The following ZDHHC3 variants were observed in gnomAD, a reference collection of about 807,000 sequenced individuals.
ZDHHC3 encodes the protein palmitoyltransferase ZDHHC3.
Under a neutral mutation model 30.6 loss-of-function variants are expected in ZDHHC3, and 9 were observed. The ratio of observed to expected loss-of-function variants is 0.29; its 90% CI spans 0.18 to 0.51. The LOEUF is 0.51. ZDHHC3 is among the 20% of genes least tolerant of loss of function. ZDHHC3 has a pLI of 0.97. For synonymous variants in ZDHHC3, 136 were observed against 140.2 expected, an observed-to-expected ratio of 0.97 and a Z score of 0.21; for missense variants, 246 against 384.2, an observed-to-expected ratio of 0.64 and a Z score of 3.01.
intron 1 of ZDHHC3, among the ~76,000 whole-genome samples, chr3:44,960,784 T>C (rs910837323): frequency 2.6e-5 from 4 of 152,218 alleles, no homozygotes; most frequent in African/African-American, 4.8e-5. Context: ...TGGCCATGTG[T>C]GCTTCCTGAA....
chr3:44,925,723 T>C lies in ZDHHC3; in HGVS notation c.*966A>G, dbSNP rs1445790370. The C allele has an allele frequency of 3.0e-6, 3 of 985,486 alleles. No homozygotes were observed. Among genetic ancestry groups the C allele is most frequent in the Non-Finnish European group, 3.6e-6 (3 of 829,934 alleles). 61.0% of individuals were successfully genotyped at this position (985,486 alleles called of 1,614,324 possible). A position where few individuals can be genotyped will look rare whatever the true frequency, so the allele number is the denominator to read the frequency against. On this transcript the variant is annotated 3_prime_UTR_variant, in exon 7 of 7. Coordinates refer to ENST00000424952, the MANE Select transcript of ZDHHC3 (RefSeq NM_001135179.2). Reference sequence around the variant, plus strand: ...CGTGCACATTTATGGGGGTTAACTATCAGAAAGTGAATCCACTTTGAGGTT... The same window carrying C: ...CGTGCACATTTATGGGGGTTAACTACCAGAAAGTGAATCCACTTTGAGGTT...
At chr3:44,927,780 G>A (rs1320035206) in intron 6 of ZDHHC3, among the ~76,000 whole-genome samples, 1 of 152,260 alleles carries the variant, frequency 6.6e-6, no homozygotes, top group Non-Finnish European at 1.5e-5. Context: ...GAAAGGACAG[G>A]AGCAGCCTGG....
Position 44,922,682 on chromosome 3 carries a change from T to C in ZDHHC3, c.*4007A>G. 1 of 985,222 alleles carries C rather than the reference T, an allele frequency of 1.0e-6. No individual in the cohort carries two copies. The highest frequency in any genetic ancestry group is 1.2e-6 in the Non-Finnish European group (1 of 829,872). The allele number at this position is 985,222 out of a possible 1,614,324, so 61.0% of individuals were successfully genotyped here. On this transcript the variant is annotated 3_prime_UTR_variant, in exon 7 of 7. Transcript: ENST00000424952. ...CTAGCCCCAACTGGATTCTCAAACT[T>C]GATAGTCAGAATCACCTGGAGGGCT...
intron 3 of ZDHHC3, among the ~76,000 whole-genome samples, chr3:44,944,227 G>A (rs565341627): frequency 4.7e-4 from 71 of 151,304 alleles, no homozygotes; most frequent in African/African-American, 1.6e-3. Flanking sequence ...TCGGCTCACC[G>A]CAACCTCTGC....
chr3:44,931,737 A>G (rs1347088874), intron 5 of ZDHHC3, among the ~76,000 whole-genome samples: 1 of 152,184 alleles, frequency 6.6e-6, no homozygotes, highest in African/African-American at 2.4e-5. Flanking sequence ...ACTGGAGTCA[A>G]CCAGACAGGG....
rs1700518991 is a variant in ZDHHC3 at position 44,920,511 on chromosome 3, G to A, written c.*6178C>T. ...CCTCCTTGTGAGGAGGTGGGTATGA[G>A]TATTGATGATTGGCAGATGGGGAAG... is the stretch of plus-strand genomic sequence containing the variant. On this transcript the variant is annotated 3_prime_UTR_variant, in exon 7 of 7. Coordinates refer to ENST00000424952, the MANE Select transcript of ZDHHC3 (RefSeq NM_001135179.2). 1.0e-6 allele frequency: 1 copy of A among 985,460 alleles called. No individual in the cohort carries two copies. The highest frequency in any genetic ancestry group is 1.1e-4 in the East Asian group (1 of 8,820). 61.0% of individuals were successfully genotyped at this position (985,460 alleles called of 1,614,324 possible).
At position 44,919,866 on chromosome 3, in the gene ZDHHC3, T is replaced by C; in HGVS notation, c.*6823A>G. The C allele has an allele frequency of 9.9e-7, 1 of 1,007,454 alleles. No individual in the cohort carries two copies. Among genetic ancestry groups the C allele is most frequent in the Non-Finnish European group, 1.2e-6 (1 of 841,600 alleles). The allele number at this position is 1,007,454 out of a possible 1,614,324, so 62.4% of individuals were successfully genotyped here. ...AAAAGTTTAAAAATAATCAATAATC[T>C]GAGACAAAGATTTATGCAATACAAA... On this transcript the variant is annotated 3_prime_UTR_variant, in exon 7 of 7. Coordinates refer to ENST00000424952, the MANE Select transcript of ZDHHC3 (RefSeq NM_001135179.2).
chr3:44,948,895 G>A (rs1442359590), intron 2 of ZDHHC3, among the ~76,000 whole-genome samples: 1 of 152,220 alleles, frequency 6.6e-6, no homozygotes, highest in Non-Finnish European at 1.5e-5. Flanking sequence ...GTCATTCAGA[G>A]CAATGACGTG....
chr3:44,927,544 T>C (rs1437736661), intron 6 of ZDHHC3, among the ~76,000 whole-genome samples: 1 of 152,152 alleles, frequency 6.6e-6, no homozygotes, highest in East Asian at 1.9e-4. Context: ...GAGGGTGGCA[T>C]GGCCAGGCCA....
Position 44,959,225 on chromosome 3 carries a change from C to T in ZDHHC3, c.212G>A (p.Arg71Gln), listed in dbSNP as rs574961628. The T allele has an allele frequency of 4.2e-5, 68 of 1,614,226 alleles. No homozygotes were observed. The Admixed American group carries it at 6.5e-4, about 15-fold the overall frequency. ...VVLFVMLIPS[R>Q]DYVYSIINGI... is the part of the protein sequence containing the mutation. ...GTTGATGATGCTATACACGTAGTCTCGAGATGGAATCAGCATGACAAAGAG... is the reference window on the plus strand; with the variant it reads ...GTTGATGATGCTATACACGTAGTCTTGAGATGGAATCAGCATGACAAAGAG... Residue 71 changes from arginine (R) to glutamine (Q), a missense_variant, in exon 2 of 7, where the codon CGA becomes CAA. Arg to Gln is a conservative substitution (Grantham distance 43). Coordinates refer to ENST00000424952, the MANE Select transcript of ZDHHC3 (RefSeq NM_001135179.2). The surrounding 1 kb of genome is among the most constrained non-coding windows in gnomAD (Gnocchi z 4.3).
At chr3:44,933,229 T>C (rs1236449187) in intron 4 of ZDHHC3, 30 bp from the exon 5 acceptor site, 1 of 1,606,362 alleles carries the variant, frequency 6.2e-7, no homozygotes, top group Non-Finnish European at 8.5e-7. Flanking sequence ...CAGACACCAT[T>C]GTTGTGAGAA....
Position 44,919,091 on chromosome 3 carries a change from C to G in ZDHHC3, c.*7598G>C. 7.1e-6 allele frequency: 7 copies of G among 985,314 alleles called. No individual in the cohort carries two copies. The highest frequency in any genetic ancestry group is 7.2e-6 in the Non-Finnish European group (6 of 829,844). 61.0% of individuals were successfully genotyped at this position (985,314 alleles called of 1,614,324 possible). On this transcript the variant is annotated 3_prime_UTR_variant, in exon 7 of 7. Coordinates refer to ENST00000424952, the MANE Select transcript of ZDHHC3 (RefSeq NM_001135179.2). ...CATTTCAGAGATTTAAGATTCTTGA[C>G]TTTTGAATAAATTCTAAGTTAAAAA...
chr3:44,952,467 A>T (rs1703550149), intron 2 of ZDHHC3, among the ~76,000 whole-genome samples: 1 of 152,150 alleles, frequency 6.6e-6, no homozygotes, highest in Non-Finnish European at 1.5e-5. Context: ...AAACTTTCTT[A>T]AATGGAAATC....
At chr3:44,949,328 T>C (rs997057721) in intron 2 of ZDHHC3, among the ~76,000 whole-genome samples, 2 of 151,842 alleles carry the variant, frequency 1.3e-5, no homozygotes, top group Non-Finnish European at 1.5e-5. Flanking sequence ...TACATATAAA[T>C]AAGAAAAAAG....
chr3:44,943,306 G>A (rs1029926447), intron 3 of ZDHHC3, among the ~76,000 whole-genome samples: 2 of 152,196 alleles, frequency 1.3e-5, no homozygotes, highest in Admixed American at 6.5e-5. Flanking sequence ...CTGTGTGACC[G>A]TGGAGCACTC....
intron 5 of ZDHHC3, among the ~76,000 whole-genome samples, chr3:44,931,535 G>A (rs921713360): frequency 2.6e-5 from 4 of 152,148 alleles, no homozygotes; most frequent in African/African-American, 9.7e-5. Context: ...CAGCTCCTAT[G>A]GCCCAACAGC....
At position 44,925,388 on chromosome 3, in the gene ZDHHC3, G is replaced by A; in HGVS notation, c.*1301C>T. On this transcript the variant is annotated 3_prime_UTR_variant, in exon 7 of 7. Transcript: ENST00000424952. ...GCAATTGCTTAAAAAACAAATCAAT[G>A]TGTGAGAATTCCCCGATGGTCAATA... The A allele has an allele frequency of 3.0e-6, 3 of 985,764 alleles. No individual in the cohort carries two copies. The highest frequency in any genetic ancestry group is 3.6e-6 in the Non-Finnish European group (3 of 829,956). 61.1% of individuals were successfully genotyped at this position (985,764 alleles called of 1,614,324 possible).
At chr3:44,968,906 G>A (rs1327433228) in intron 1 of ZDHHC3, among the ~76,000 whole-genome samples, 2 of 152,206 alleles carry the variant, frequency 1.3e-5, no homozygotes, top group East Asian at 1.9e-4. Flanking sequence ...GAGTAAGGAA[G>A]TGAAGCTCAA....
intron 2 of ZDHHC3, 175 bp from the exon 3 acceptor site, chr3:44,945,467 T>C: frequency 1.1e-6 from 1 of 943,162 alleles, no homozygotes; most frequent in Admixed American, 3.0e-5. Flanking sequence ...AAGGAATATT[T>C]ATTGACCAAA....
Sources: gnomAD v4.1 joint callset for allele counts (sites outside exome capture counted in the v4.1 genomes callset) on GRCh38, gnomAD v4.1.1 for gene constraint, Gnocchi (gnomAD v3.1) non-coding constraint, MANE v1.5 for transcripts, NCBI Gene and HGNC (gene_info 2026-07-23, HGNC 2026-07-21) for gene names.